PARD3B: variants seen among roughly 807,000 people sequenced by gnomAD.
PARD3B encodes par-3 family cell polarity regulator beta.
Under a neutral mutation model 130.2 loss-of-function variants are expected in PARD3B, and 103 were observed. The observed-to-expected ratio is 0.79, with a 90% CI of 0.67 to 0.93. The LOEUF (loss-of-function observed/expected upper bound fraction) is 0.93. Among genes scored for constraint, PARD3B ranks in the 40% least tolerant of loss-of-function variants. PARD3B has a pLI of 0.00. For synonymous variants in PARD3B, 583 were observed against 553.2 expected (o/e 1.05, Z -0.76); for missense variants, 1,609 against 1,499.2 (o/e 1.07, Z -1.21).
chr2:204,936,168 A>G (rs1366578161), intron 2 of PARD3B, among the ~76,000 whole-genome samples: 1 of 152,216 alleles, frequency 6.6e-6, no homozygotes, highest in Non-Finnish European at 1.5e-5. Flanking sequence ...CCAGGAAGAG[A>G]ACCCTGTGCT....
chr2:205,481,399 A>T (rs926524575), intron 20 of PARD3B, among the ~76,000 whole-genome samples: 1 of 152,112 alleles, frequency 6.6e-6, no homozygotes, highest in Non-Finnish European at 1.5e-5. Flanking sequence ...GAATTCCATG[A>T]GCAGAGTTGC....
intron 2 of PARD3B, among the ~76,000 whole-genome samples, chr2:204,824,254 T>C (rs1044593699): frequency 1.3e-5 from 2 of 152,184 alleles, no homozygotes; most frequent in African/African-American, 4.8e-5. Flanking sequence ...ATCCTACAAG[T>C]ACACTGGAGA....
At chr2:205,361,932 T>C (rs4673327) in intron 18 of PARD3B, among the ~76,000 whole-genome samples, 91,160 of 151,928 alleles carry the variant, frequency 0.6, 30,640 homozygotes, top group South Asian at 0.77. Context: ...CTTAAATTAG[T>C]CCCTATTTTT....
At chr2:204,588,345 A>G (rs1559171722) in intron 1 of PARD3B, among the ~76,000 whole-genome samples, 1 of 152,212 alleles carries the variant, frequency 6.6e-6, no homozygotes, top group Non-Finnish European at 1.5e-5. Flanking sequence ...AATATTGAAG[A>G]TGCTGAAACT....
At chr2:205,532,480 G>A (rs758237035) in intron 21 of PARD3B, among the ~76,000 whole-genome samples, 1 of 152,212 alleles carries the variant, frequency 6.6e-6, no homozygotes, top group Non-Finnish European at 1.5e-5. Context: ...GTTATTGGCA[G>A]TGCTTGGGGG....
chr2:204,567,167 A>C (rs1038562246), intron 1 of PARD3B, among the ~76,000 whole-genome samples: 2 of 152,154 alleles, frequency 1.3e-5, no homozygotes, highest in African/African-American at 4.8e-5. Context: ...GGCTTGAGCC[A>C]CTGTGCCCAG....
chr2:204,644,967 G>A (rs1025284215), intron 1 of PARD3B, among the ~76,000 whole-genome samples: 3 of 151,932 alleles, frequency 2.0e-5, no homozygotes, highest in Non-Finnish European at 2.9e-5. Flanking sequence ...AGAGATACTC[G>A]ATGAAAGTTG....
At chr2:205,492,763 A>G (rs1170642262) in intron 20 of PARD3B, among the ~76,000 whole-genome samples, 1 of 152,184 alleles carries the variant, frequency 6.6e-6, no homozygotes, top group Non-Finnish European at 1.5e-5. Flanking sequence ...GCTGTTCTAG[A>G]CTTAAATGTC....
At chr2:204,729,838 TTTTG>T (rs1406634510) in intron 2 of PARD3B, among the ~76,000 whole-genome samples, 2 of 152,186 alleles carry the variant, frequency 1.3e-5, no homozygotes, top group African/African-American at 2.4e-5. Flanking sequence ...AAAAAAAATT[TTTTG>T]TTTATCTATT....
chr2:204,880,548 T>C (rs938369008), intron 2 of PARD3B, among the ~76,000 whole-genome samples: 8 of 150,014 alleles, frequency 5.3e-5, no homozygotes, highest in African/African-American at 1.7e-4. Context: ...TAGTCTCACC[T>C]ACTTGGAAGG....
intron 15 of PARD3B, among the ~76,000 whole-genome samples, chr2:205,243,341 A>G (rs2039437955): frequency 6.6e-6 from 1 of 152,226 alleles, no homozygotes; most frequent in South Asian, 2.1e-4. Flanking sequence ...TACCTTGCAT[A>G]TATTTGCACA....
rs148766364 is a variant in PARD3B at position 205,177,241 on chromosome 2, T to C, written c.1924+664T>C. ...TTCTTTAATAAAATGAATTTTTTAT[T>C]ACAAAAACAATACATATTCATTGCA... On this transcript the variant is annotated intron_variant, in intron 13 of 22. Transcript: ENST00000406610. 5.3e-3 allele frequency among the ~76,000 whole-genome samples: 812 copies of C among 152,284 alleles called. 7 individuals are homozygous for C. Among genetic ancestry groups the C allele is most frequent in the African/African-American group, 0.019 (770 of 41,582 alleles).
intron 2 of PARD3B, among the ~76,000 whole-genome samples, chr2:204,838,069 A>G (rs2044117500): frequency 7.2e-6 from 1 of 138,692 alleles, no homozygotes; most frequent in Admixed American, 7.1e-5. Flanking sequence ...AGTGCTGTAG[A>G]AGAGTGATCA....
chr2:204,599,512 C>A (rs1365906641), intron 1 of PARD3B, among the ~76,000 whole-genome samples: 1 of 151,940 alleles, frequency 6.6e-6, no homozygotes. Context: ...CCTAGAATGA[C>A]AGGATTTTAT....
chr2:204,927,088 A>G (rs968957839), intron 2 of PARD3B, among the ~76,000 whole-genome samples: 14 of 152,130 alleles, frequency 9.2e-5, no homozygotes, highest in African/African-American at 3.4e-4. Context: ...GTATTTTAGC[A>G]AGGAATGCAT....
chr2:205,453,525 T>C (rs1203842400), intron 20 of PARD3B, among the ~76,000 whole-genome samples: 2 of 152,152 alleles, frequency 1.3e-5, no homozygotes, highest in African/African-American at 4.8e-5. Context: ...GGAGTAGGAA[T>C]CTATTTCACC....
chr2:205,472,937 G>A (rs950512052), intron 20 of PARD3B, among the ~76,000 whole-genome samples: 1 of 152,100 alleles, frequency 6.6e-6, no homozygotes, highest in Non-Finnish European at 1.5e-5. Flanking sequence ...AATGGCAATG[G>A]AGGACCAATA....
chr2:204,569,906 A>C (rs2031888433), intron 1 of PARD3B, among the ~76,000 whole-genome samples: 1 of 152,280 alleles, frequency 6.6e-6, no homozygotes, highest in South Asian at 2.1e-4. Context: ...AAACATCATC[A>C]AGATGATACA....
chr2:204,986,735 T>C (rs559748083), intron 3 of PARD3B, among the ~76,000 whole-genome samples: 2 of 152,308 alleles, frequency 1.3e-5, no homozygotes, highest in South Asian at 2.1e-4. Flanking sequence ...GTAATTTTCA[T>C]TGGAATGACC....
Sources: gnomAD v4.1 joint callset for allele counts (sites outside exome capture counted in the v4.1 genomes callset) on GRCh38, gnomAD v4.1.1 for gene constraint, MANE v1.5 for transcripts, NCBI Gene and HGNC (gene_info 2026-07-23, HGNC 2026-07-21) for gene names.